EGFR: variants seen among roughly 807,000 people sequenced by gnomAD.
EGFR encodes avian erythroblastic leukemia viral (v-erb-b) oncogene homolog.
EGFR carries 58 observed loss-of-function variants against 143.0 expected under a neutral mutation model. The ratio of observed to expected loss-of-function variants is 0.41; its 90% CI spans 0.33 to 0.50. The LOEUF is 0.50. Among genes scored for constraint, EGFR ranks in the 20% least tolerant of loss-of-function variants. EGFR has a pLI of 0.39. For missense variants in EGFR, 1,307 were observed against 1,579.0 expected (o/e 0.83, Z 2.92); for synonymous variants, 613 against 594.4 (o/e 1.03, Z -0.45).
intron 1 of EGFR, among the ~76,000 whole-genome samples, chr7:55,051,653 A>T (rs1226722241): frequency 1.3e-5 from 2 of 152,132 alleles, no homozygotes; most frequent in Middle Eastern, 3.2e-3. Context: ...ATGGACTAAG[A>T]CAATCTTCTT....
chr7:55,150,215 A>C (rs570154735), intron 4 of EGFR, among the ~76,000 whole-genome samples: 2 of 152,372 alleles, frequency 1.3e-5, no homozygotes, highest in African/African-American at 4.8e-5. Flanking sequence ...ACAGGGTAAA[A>C]AGTTGAAAGA....
chr7:55,202,593 A>G lies in EGFR; in HGVS notation c.3239A>G (p.Asp1080Gly), dbSNP rs1787898176. The change falls in exon 27 of 28, where the codon GAC becomes GGC. Residue 1080 changes from aspartate (D) to glycine (G), a missense_variant. Around this residue, in one of 7 missense-constraint regions of EGFR, gnomAD observed 313 missense variants for 312.3 expected, o/e 1.00. Transcript: ENST00000275493. Reference protein sequence around the residue: ...SSDPTGALTEDSIDDTFLPVP... With the variant: ...SSDPTGALTEGSIDDTFLPVP... ...GACCCCACAGGCGCCTTGACTGAGGACAGCATAGACGACACCTTCCTCCCA... is the reference window on the plus strand; with the variant it reads ...GACCCCACAGGCGCCTTGACTGAGGGCAGCATAGACGACACCTTCCTCCCA... The G allele has an allele frequency of 6.2e-7, 1 of 1,613,522 alleles. No homozygotes were observed. Among genetic ancestry groups the G allele is most frequent in the Non-Finnish European group, 8.5e-7 (1 of 1,179,712 alleles).
chr7:55,182,994 C>T (rs1379722956), intron 20 of EGFR, among the ~76,000 whole-genome samples: 2 of 152,184 alleles, frequency 1.3e-5, no homozygotes, highest in African/African-American at 2.4e-5. Context: ...CAACATAGCA[C>T]AGCTTTATTC....
intron 1 of EGFR, among the ~76,000 whole-genome samples, chr7:55,074,432 C>T (rs61091792): frequency 0.012 from 1,837 of 152,304 alleles, 21 homozygotes; most frequent in Middle Eastern, 0.037. Context: ...TTACAGCTGG[C>T]CCCCTGGCCT....
At chr7:55,127,419 C>T (rs1191513071) in intron 1 of EGFR, among the ~76,000 whole-genome samples, 1 of 152,162 alleles carries the variant, frequency 6.6e-6, no homozygotes, top group Non-Finnish European at 1.5e-5. Flanking sequence ...AAGTGGGAGG[C>T]ATCTATATCC....
rs374300539 is a variant in EGFR, at chr7:55,027,991, A to AATATATAT, written c.88+8654_88+8661dup. On this transcript the variant is annotated intron_variant, in intron 1 of 27. Coordinates refer to ENST00000275493, the MANE Select transcript of EGFR (RefSeq NM_005228.5). The stretch of plus-strand genomic sequence containing the variant: ...GCCTTTATGTAAAAAAAAAAAAAAA[A>AATATATAT]ATATATATATATATATATATATATA... 1.7e-3 allele frequency among the ~76,000 whole-genome samples: 92 copies of AATATATAT among 54,934 alleles called. 1 individual carries two copies. The highest frequency in any genetic ancestry group is 0.014 in the East Asian group (16 of 1,182). The allele number at this position is 54,934 out of a possible 152,430, so 36.0% of individuals were successfully genotyped here.
chr7:55,110,174 A>G (rs1249973406), intron 1 of EGFR, among the ~76,000 whole-genome samples: 5 of 152,218 alleles, frequency 3.3e-5, no homozygotes, highest in Non-Finnish European at 5.9e-5. Flanking sequence ...AAGAATATGT[A>G]ACATATCCCA....
intron 1 of EGFR, among the ~76,000 whole-genome samples, chr7:55,028,005 T>A (rs866968701): frequency 4.8e-4 from 54 of 112,090 alleles, no homozygotes; most frequent in African/African-American, 2.6e-3. Context: ...TATATATATA[T>A]ATATATATAT....
chr7:55,141,410 A>C (rs1794450184), intron 1 of EGFR, among the ~76,000 whole-genome samples: 1 of 152,146 alleles, frequency 6.6e-6, no homozygotes, highest in African/African-American at 2.4e-5. Flanking sequence ...TCTTGGATTA[A>C]GTTTGATGCC....
intron 1 of EGFR, among the ~76,000 whole-genome samples, chr7:55,046,587 G>GA (rs11337454): frequency 0.013 from 1,734 of 133,566 alleles, 12 homozygotes; most frequent in African/African-American, 0.025. Context: ...GATGTTCTTG[G>GA]AAAAAAAAAA....
chr7:55,153,304 G>A (rs924978439), intron 6 of EGFR, among the ~76,000 whole-genome samples: 7 of 152,260 alleles, frequency 4.6e-5, no homozygotes, highest in African/African-American at 1.7e-4. Context: ...GAGCAGCACT[G>A]GAGGGTACAG....
chr7:55,200,912 A>G (rs1787817794), intron 24 of EGFR: 1 of 547,862 alleles, frequency 1.8e-6, no homozygotes, highest in Admixed American at 3.1e-5. Context: ...CACTCGATGA[A>G]TGCTGCAGCT....
chr7:55,155,631 T>C (rs1190753771), intron 7 of EGFR, among the ~76,000 whole-genome samples, 199 bp from the exon 8 acceptor site: 1 of 152,234 alleles, frequency 6.6e-6, no homozygotes, highest in East Asian at 1.9e-4. Context: ...ATTGTCCACA[T>C]TGCGGCCTAG....
intron 1 of EGFR, among the ~76,000 whole-genome samples, chr7:55,103,277 C>A (rs1233885086): frequency 1.3e-5 from 2 of 152,284 alleles, no homozygotes; most frequent in South Asian, 2.1e-4. Flanking sequence ...CCTCTCTGAG[C>A]AAATCTGAAT....
intron 1 of EGFR, among the ~76,000 whole-genome samples, chr7:55,058,381 G>A (rs149356355): frequency 4.0e-5 from 6 of 151,040 alleles, no homozygotes; most frequent in East Asian, 1.9e-4. Flanking sequence ...GTGACAGAGC[G>A]AGACTCTGTC....
chr7:55,026,974 C>A (rs1373499856), intron 1 of EGFR, among the ~76,000 whole-genome samples: 1 of 152,146 alleles, frequency 6.6e-6, no homozygotes, highest in Non-Finnish European at 1.5e-5. Flanking sequence ...TTGGACCCCA[C>A]CCTGGCCTCT....
chr7:55,088,001 AACAGATGG>A (rs1790867993), intron 1 of EGFR, among the ~76,000 whole-genome samples: 1 of 152,174 alleles, frequency 6.6e-6, no homozygotes, highest in Non-Finnish European at 1.5e-5. Flanking sequence ...CAGAGGAGAT[AACAGATGG>A]ACATACTATT....
chr7:55,108,273 A>G (rs530822171), intron 1 of EGFR, among the ~76,000 whole-genome samples: 1 of 152,356 alleles, frequency 6.6e-6, no homozygotes, highest in Non-Finnish European at 1.5e-5. Context: ...CATGACTTAG[A>G]ACTTATAACT....
intron 1 of EGFR, among the ~76,000 whole-genome samples, chr7:55,064,293 A>T (rs1789372126): frequency 6.6e-6 from 1 of 152,208 alleles, no homozygotes; most frequent in Admixed American, 6.5e-5. Flanking sequence ...TCCCCACTAG[A>T]AGCCAATTAT....
Sources: gnomAD v4.1 joint callset for allele counts (sites outside exome capture counted in the v4.1 genomes callset) on GRCh38, gnomAD v4.1.1 for gene constraint, gnomAD v4.1.1 regional missense constraint, MANE v1.5 for transcripts, NCBI Gene and HGNC (gene_info 2026-07-23, HGNC 2026-07-21) for gene names.